The following METTL8 variants were observed in gnomAD, a reference collection of about 807,000 sequenced individuals.
METTL8 encodes methyltransferase 8, tRNA N3-cytidine.
METTL8 carries 32 observed loss-of-function variants against 48.7 expected under a neutral mutation model. That is an observed-to-expected ratio of 0.66 (90% CI 0.50 to 0.88). The LOEUF is 0.88. METTL8 is among the 40% of genes least tolerant of loss of function. The probability of loss-of-function intolerance (pLI) is 0.00; values close to 1 mark genes in which losing one functional copy is unlikely to be tolerated. For synonymous variants in METTL8, 136 were observed against 157.1 expected, an observed-to-expected ratio of 0.87 and a Z score of 1.01; for missense variants, 464 against 474.4, an observed-to-expected ratio of 0.98 and a Z score of 0.20.
rs1461481676 is a variant in METTL8 at position 171,318,253 on chromosome 2, ATATTCCAAGAAACCG to A, written c.*5904_*5918del. ...CTTTGCGCCTCTCAAATCCCCAACC[ATATTCCAAGAAACCG>A]TATTCCAAGAAATGCTCAACATTTC... On this transcript the variant is annotated 3_prime_UTR_variant, in exon 10 of 10. Coordinates refer to ENST00000375258, the MANE Select transcript of METTL8 (RefSeq NM_001321154.2). 6.6e-6 allele frequency: 1 copy of A among 152,190 alleles called. No homozygotes were observed. The highest frequency in any genetic ancestry group is 2.4e-5 in the African/African-American group (1 of 41,440). The allele number at this position is 152,190 out of a possible 1,614,324, so 9.4% of individuals were successfully genotyped here.
intron 2 of METTL8, among the ~76,000 whole-genome samples, chr2:171,365,468 G>C (rs1395764834): frequency 6.6e-6 from 1 of 152,086 alleles, no homozygotes. Context: ...AAATTGGGTG[G>C]AGGCCGAGAG....
chr2:171,323,223 T>C lies in METTL8; in HGVS notation c.*949A>G, dbSNP rs551241675. On this transcript the variant is annotated 3_prime_UTR_variant, in exon 10 of 10. Coordinates refer to ENST00000375258, the MANE Select transcript of METTL8 (RefSeq NM_001321154.2). ...TGATACAAGAGCTTGTCAGCTTACA[T>C]ACCTTTTTTTTTTTTTTTTTTTTTT... 7.8e-6 allele frequency: 1 copy of C among 128,260 alleles called. No homozygotes were observed. The highest frequency in any genetic ancestry group is 9.5e-5 in the Admixed American group (1 of 10,528). 7.9% of individuals were successfully genotyped at this position (128,260 alleles called of 1,614,324 possible).
intron 1 of METTL8, among the ~76,000 whole-genome samples, chr2:171,399,297 G>C (rs955482343): frequency 6.6e-6 from 1 of 152,114 alleles, no homozygotes; most frequent in Non-Finnish European, 1.5e-5. Flanking sequence ...ATTAAAAATT[G>C]CATTTATTAT....
chr2:171,419,648 T>C (rs1448765127), intron 1 of METTL8, among the ~76,000 whole-genome samples: 1 of 152,166 alleles, frequency 6.6e-6, no homozygotes, highest in Non-Finnish European at 1.5e-5. Context: ...GTCAACACCT[T>C]TTCTCTGGCC....
chr2:171,395,704 G>C (rs949133816), intron 1 of METTL8, among the ~76,000 whole-genome samples: 16 of 152,236 alleles, frequency 1.1e-4, no homozygotes, highest in African/African-American at 3.6e-4. Flanking sequence ...CAAAAAGACA[G>C]AACTTTCTAA....
intron 1 of METTL8, among the ~76,000 whole-genome samples, chr2:171,410,468 C>T (rs894811204): frequency 2.0e-5 from 3 of 152,180 alleles, no homozygotes; most frequent in Admixed American, 6.5e-5. Context: ...AACCTGTCAA[C>T]CAACTCCCTG....
Position 171,356,953 on chromosome 2 carries a change from T to TGTTTTTTTTTTTTTTTTTG in METTL8, c.235+3468_235+3469insCAAAAAAAAAAAAAAAAAC, listed in dbSNP as rs1553514755. ...AAATTAGCCTTGTTCAAAGACAATA[T>TGTTTTTTTTTTTTTTTTTG]TTTTTTTTTTTTTTTTGAGACAGGG... On this transcript the variant is annotated intron_variant, in intron 3 of 9. Transcript: ENST00000375258. Among the ~76,000 whole-genome samples the TGTTTTTTTTTTTTTTTTTG allele has an allele frequency of 1.4e-4, 2 of 14,076 alleles. 1 individual carries two copies. Among genetic ancestry groups the TGTTTTTTTTTTTTTTTTTG allele is most frequent in the Non-Finnish European group, 3.8e-4 (2 of 5,300 alleles). The allele number at this position is 14,076 out of a possible 152,430, so 9.2% of individuals were successfully genotyped here.
rs1684539680 is a variant in METTL8 at position 171,321,929 on chromosome 2, CT to C, written c.*2242del. 6.6e-6 allele frequency: 1 copy of C among 151,638 alleles called. No individual in the cohort carries two copies. Among genetic ancestry groups the C allele is most frequent in the African/African-American group, 2.4e-5 (1 of 41,266 alleles). 9.4% of individuals were successfully genotyped at this position (151,638 alleles called of 1,614,324 possible). A position where few individuals can be genotyped will look rare whatever the true frequency, so the allele number is the denominator to read the frequency against. On this transcript the variant is annotated 3_prime_UTR_variant, in exon 10 of 10. Coordinates refer to ENST00000375258, the MANE Select transcript of METTL8 (RefSeq NM_001321154.2). ...CTACAAAATGTGATTTGCAAGCCAACTTATGTCCTTTTTGAAGCAAGGGAGT... is the reference window on the plus strand; with the variant it reads ...CTACAAAATGTGATTTGCAAGCCAACTATGTCCTTTTTGAAGCAAGGGAGT...
At chr2:171,428,480 A>C (rs1211859103) in intron 1 of METTL8, among the ~76,000 whole-genome samples, 2 of 152,040 alleles carry the variant, frequency 1.3e-5, no homozygotes, top group Non-Finnish European at 2.9e-5. Flanking sequence ...ATTTCTTCTC[A>C]AGCAAATAAA....
At chr2:171,410,206 C>T (rs1260982667) in intron 1 of METTL8, among the ~76,000 whole-genome samples, 1 of 152,170 alleles carries the variant, frequency 6.6e-6, no homozygotes. Context: ...CTCAGAACCA[C>T]ATTTTCTATA....
intron 2 of METTL8, among the ~76,000 whole-genome samples, chr2:171,380,233 T>C (rs1051484259): frequency 6.6e-6 from 1 of 152,206 alleles, no homozygotes; most frequent in East Asian, 1.9e-4. Context: ...GAACTAGGCA[T>C]TGATGGAACA....
chr2:171,375,047 C>T, intron 2 of METTL8: 1 of 1,099,198 alleles, frequency 9.1e-7, no homozygotes, highest in Non-Finnish European at 1.4e-6. Flanking sequence ...CTGTGAATTG[C>T]ACAACTCACA....
chr2:171,337,813 A>G (rs1281638744), intron 4 of METTL8, among the ~76,000 whole-genome samples: 3 of 152,066 alleles, frequency 2.0e-5, no homozygotes, highest in East Asian at 1.9e-4. Context: ...AAAAAAACAG[A>G]TAAGCAGAGA....
At chr2:171,428,604 G>A (rs1692657740) in intron 1 of METTL8, among the ~76,000 whole-genome samples, 1 of 152,160 alleles carries the variant, frequency 6.6e-6, no homozygotes, top group Non-Finnish European at 1.5e-5. Context: ...ATTTTAGGTA[G>A]TGTAAAGCAG....
In METTL8 at chr2:171,339,240, C is replaced by CT; in HGVS notation, c.549dup (p.Gly184ArgfsTer11). ...GGAAACAATCCAGTCTCCATAGGTC[C>CT]TTTTTTGTGTTTTTCAGAGTCTAGG... On this transcript the variant is annotated frameshift_variant, in exon 4 of 10. Coordinates refer to ENST00000375258, the MANE Select transcript of METTL8 (RefSeq NM_001321154.2). LOFTEE classifies it high-confidence loss of function. 1 of 1,605,128 alleles carries CT rather than the reference C, an allele frequency of 6.2e-7. No homozygotes were observed. The highest frequency in any genetic ancestry group is 2.2e-5 in the East Asian group (1 of 44,786).
At chr2:171,377,715 TA>T (rs1687118385) in intron 2 of METTL8, among the ~76,000 whole-genome samples, 1 of 151,754 alleles carries the variant, frequency 6.6e-6, no homozygotes, top group Non-Finnish European at 1.5e-5. Context: ...TGCATGGCCA[TA>T]AAAAAAGAAA....
At position 171,317,474 on chromosome 2, in the gene METTL8, C is replaced by T. The variant is rs1575690978; in HGVS notation, c.*6698G>A. On this transcript the variant is annotated 3_prime_UTR_variant, in exon 10 of 10. Transcript: ENST00000375258. ...TACAGAAGCATTTCCCGCCCTGGGC[C>T]CTGGATCTACTCAGTGCCTACCTGC... 6.6e-6 allele frequency: 1 copy of T among 152,356 alleles called. No homozygotes were observed. Among genetic ancestry groups the T allele is most frequent in the Non-Finnish European group, 1.5e-5 (1 of 68,180 alleles). The allele number at this position is 152,356 out of a possible 1,614,324, so 9.4% of individuals were successfully genotyped here. A position where few individuals can be genotyped will look rare whatever the true frequency, so the allele number is the denominator to read the frequency against.
chr2:171,422,626 C>T (rs930620039), intron 1 of METTL8, among the ~76,000 whole-genome samples: 3 of 152,098 alleles, frequency 2.0e-5, no homozygotes, highest in Non-Finnish European at 2.9e-5. Context: ...AAGAAAAAGA[C>T]ACACAATCTA....
intron 1 of METTL8, among the ~76,000 whole-genome samples, chr2:171,428,550 T>C (rs1692653841): frequency 6.6e-6 from 1 of 152,234 alleles, no homozygotes; most frequent in Non-Finnish European, 1.5e-5. Flanking sequence ...CATATTGTTT[T>C]TTATAGCCCA....
Sources: allele counts gnomAD v4.1 joint callset (sites outside exome capture counted in the v4.1 genomes callset), GRCh38; gene constraint gnomAD v4.1.1; transcripts MANE v1.5; gene names NCBI Gene and HGNC (gene_info 2026-07-23, HGNC 2026-07-21).